Variants in PLGLB2 observed in about 807,000 individuals in gnomAD.
PLGLB2 encodes the protein plasminogen like B2, also known as plasminogen-like protein B.
chr2:87,754,782 C>T (rs568263299), intron 3 of PLGLB2, among the ~76,000 whole-genome samples: 473 of 150,396 alleles, frequency 3.1e-3, no homozygotes, highest in African/African-American at 0.011. Context: ...TCCTGATTCT[C>T]TCTACAAAAT....
At position 87,758,675 on chromosome 2, in the gene PLGLB2, C is replaced by CTAA; in HGVS notation, c.*1860_*1862dup. ...ATCGAGAGCATCTCCTTCTGCCTTG[C>CTAA]TAATAGCAAGCTGATTTTTAGAATA... On this transcript the variant is annotated 3_prime_UTR_variant, in exon 4 of 4. Transcript: ENST00000359481. 1 of 517,212 alleles carries CTAA rather than the reference C, an allele frequency of 1.9e-6. No homozygotes were observed. Among genetic ancestry groups the CTAA allele is most frequent in the East Asian group, 3.9e-5 (1 of 25,904 alleles). 32.0% of individuals were successfully genotyped at this position (517,212 alleles called of 1,614,324 possible).
Position 87,758,964 on chromosome 2 carries a change from G to A in PLGLB2, c.*2146G>A, listed in dbSNP as rs1684830701. Among the ~76,000 whole-genome samples, 1 of 141,016 alleles carries A rather than the reference G, an allele frequency of 7.1e-6. No individual in the cohort carries two copies. Among genetic ancestry groups the A allele is most frequent in the African/African-American group, 2.5e-5 (1 of 39,748 alleles). The allele number at this position is 141,016 out of a possible 152,430, so 92.5% of individuals were successfully genotyped here. The stretch of plus-strand genomic sequence containing the variant: ...GATATTATTAATAATTGCGTAACGT[G>A]TTCACCTCTCGGAAAGGAGCAAAAC... On this transcript the variant is annotated 3_prime_UTR_variant, in exon 4 of 4. Coordinates refer to ENST00000359481, the MANE Select transcript of PLGLB2 (RefSeq NM_002665.4).
intron 2 of PLGLB2, among the ~76,000 whole-genome samples, chr2:87,752,770 G>A (rs1684652214): frequency 2.2e-5 from 1 of 45,748 alleles, no homozygotes; most frequent in Admixed American, 3.0e-4. Flanking sequence ...AAGGTGACTG[G>A]ATATAATGTT....
At chr2:87,756,220 C>CT (rs1558712700) in intron 3 of PLGLB2, 1 of 60,650 alleles carries the variant, frequency 1.6e-5, no homozygotes, top group African/African-American at 5.8e-5. Flanking sequence ...GGCCCATTGT[C>CT]TAACTGGTGA....
intron 1 of PLGLB2, among the ~76,000 whole-genome samples, chr2:87,750,469 T>A (rs1404230133): frequency 1.3e-5 from 2 of 151,926 alleles, no homozygotes; most frequent in Non-Finnish European, 2.9e-5. Context: ...GCCTAAAGCA[T>A]CTATTTCTTT....
chr2:87,750,103 T>C (rs1266026137), intron 1 of PLGLB2, among the ~76,000 whole-genome samples: 1 of 152,244 alleles, frequency 6.6e-6, no homozygotes, highest in African/African-American at 2.4e-5. Flanking sequence ...GAAAATTATT[T>C]CAAATTAAAA....
intron 1 of PLGLB2, among the ~76,000 whole-genome samples, chr2:87,749,639 TG>T (rs1425519243): frequency 6.3e-4 from 2 of 3,188 alleles, no homozygotes; most frequent in Middle Eastern, 0.05. Context: ...ACTTATTCAG[TG>T]GGCTACACCC....
intron 1 of PLGLB2, among the ~76,000 whole-genome samples, chr2:87,750,514 GTGGA>G (rs1438567011): frequency 6.6e-6 from 1 of 151,970 alleles, no homozygotes; most frequent in Non-Finnish European, 1.5e-5. Flanking sequence ...GTGCTTTTCA[GTGGA>G]TTAGGTTTAG....
intron 1 of PLGLB2, among the ~76,000 whole-genome samples, chr2:87,750,597 C>T (rs928503161): frequency 1.0e-4 from 15 of 149,768 alleles, no homozygotes; most frequent in Non-Finnish European, 1.6e-4. Context: ...TGAGGAAGGA[C>T]GAAGTCCCAG....
At chr2:87,753,260 TGAA>T (rs1313854265) in intron 2 of PLGLB2, among the ~76,000 whole-genome samples, 3 of 94,650 alleles carry the variant, frequency 3.2e-5, no homozygotes, top group Non-Finnish European at 4.4e-5. Flanking sequence ...AGAAGATGAG[TGAA>T]GAAGAAGTAA....
chr2:87,756,459 C>T (rs1289001588), intron 3 of PLGLB2: 1 of 262,604 alleles, frequency 3.8e-6, no homozygotes, highest in Non-Finnish European at 7.5e-6. Flanking sequence ...CATGTATCAT[C>T]ATTAAGTGAT....
intron 1 of PLGLB2, among the ~76,000 whole-genome samples, chr2:87,750,929 A>C: frequency 8.6e-6 from 1 of 116,692 alleles, no homozygotes; most frequent in Middle Eastern, 4.0e-3. Context: ...AGCCCCCACC[A>C]CGCCCCTCAA....
intron 1 of PLGLB2, among the ~76,000 whole-genome samples, chr2:87,750,837 G>A (rs1288451544): frequency 1.5e-5 from 2 of 137,842 alleles, no homozygotes; most frequent in Admixed American, 7.2e-5. Flanking sequence ...TGGAGGGCTC[G>A]CTGTCTTCAG....
chr2:87,750,659 G>A (rs1385652338), intron 1 of PLGLB2, among the ~76,000 whole-genome samples: 7 of 148,434 alleles, frequency 4.7e-5, no homozygotes, highest in East Asian at 2.1e-4. Context: ...ATTGATGAGC[G>A]TGCATCCTCC....
At position 87,758,940 on chromosome 2, in the gene PLGLB2, ATAT is replaced by A. The variant is rs1350498978; in HGVS notation, c.*2128_*2130del. 29 of 468,290 alleles carry A rather than the reference ATAT, an allele frequency of 6.2e-5. No individual in the cohort carries two copies. Among genetic ancestry groups the A allele is most frequent in the Middle Eastern group, 6.5e-4 (1 of 1,528 alleles). The allele number at this position is 468,290 out of a possible 1,614,324, so 29.0% of individuals were successfully genotyped here. On this transcript the variant is annotated 3_prime_UTR_variant, in exon 4 of 4. Coordinates refer to ENST00000359481, the MANE Select transcript of PLGLB2 (RefSeq NM_002665.4). ...TGTTGTAAAGCCCCTTCCCACAGGG[ATAT>A]TATTAATAATTGCGTAACGTGTTCA...
intron 3 of PLGLB2, chr2:87,756,563 A>C (rs1684728767): frequency 2.8e-6 from 1 of 355,240 alleles, no homozygotes; most frequent in African/African-American, 2.1e-5. Context: ...CTCTGGCTGC[A>C]CTGTGCCCCG....
In PLGLB2 at chr2:87,757,973, T is replaced by C. The variant is rs2104216572; in HGVS notation, c.*1155T>C. 1.5e-5 allele frequency among the ~76,000 whole-genome samples: 1 copy of C among 67,138 alleles called. No individual in the cohort carries two copies. Among genetic ancestry groups the C allele is most frequent in the Non-Finnish European group, 2.9e-5 (1 of 34,042 alleles). 44.0% of individuals were successfully genotyped at this position (67,138 alleles called of 152,430 possible). ...TCTTGGGGGGTGGGGGTTACCCAAA[T>C]AGGTTCACAGAAGAACCAGAAATAA... is the stretch of plus-strand genomic sequence containing the variant. On this transcript the variant is annotated 3_prime_UTR_variant, in exon 4 of 4. Transcript: ENST00000359481.
At chr2:87,751,568 C>T (rs1461931290) in intron 1 of PLGLB2, 7 of 149,536 alleles carry the variant, frequency 4.7e-5, no homozygotes, top group Non-Finnish European at 7.5e-5. Context: ...GTGTCAGAAC[C>T]AAAGCGCATA....
intron 1 of PLGLB2, among the ~76,000 whole-genome samples, chr2:87,750,274 C>T (rs1249696763): frequency 6.6e-6 from 1 of 151,726 alleles, no homozygotes; most frequent in Non-Finnish European, 1.5e-5. Context: ...CAATTGTAGC[C>T]TGCTCTGCTA....
Sources: allele counts gnomAD v4.1 joint callset (sites outside exome capture counted in the v4.1 genomes callset), GRCh38; gene constraint gnomAD v4.1.1; transcripts MANE v1.5; gene names NCBI Gene and HGNC (gene_info 2026-07-23, HGNC 2026-07-21).